Variants in GANC observed in about 807,000 individuals in gnomAD.
The protein encoded by GANC is glucosidase alpha, neutral C, also known as neutral alpha-glucosidase C.
Under a neutral mutation model 124.2 loss-of-function variants are expected in GANC, and 117 were observed. The ratio of observed to expected loss-of-function variants is 0.94; its 90% CI spans 0.81 to 1.10. The LOEUF (loss-of-function observed/expected upper bound fraction) is 1.10, where lower values mean the gene tolerates loss of function less well. GANC is among the 50% of genes least tolerant of loss of function. The probability of loss-of-function intolerance (pLI) is 0.00; values close to 1 mark genes in which losing one functional copy is unlikely to be tolerated. For synonymous variants in GANC, 377 were observed against 376.8 expected, an observed-to-expected ratio of 1.00 and a Z score of -0.01; for missense variants, 1,140 against 1,095.0, an observed-to-expected ratio of 1.04 and a Z score of -0.58.
chr15:42,289,501 G>T (rs536051216), intron 4 of GANC, among the ~76,000 whole-genome samples: 4 of 152,146 alleles, frequency 2.6e-5, no homozygotes, highest in African/African-American at 9.7e-5. Flanking sequence ...CCCTTCCCGT[G>T]ATGTTGTAAG....
chr15:42,293,465 CT>C (rs1405410228), intron 5 of GANC, among the ~76,000 whole-genome samples: 5 of 152,146 alleles, frequency 3.3e-5, no homozygotes, highest in Admixed American at 3.3e-4. Flanking sequence ...ATTATATGAT[CT>C]GCAGAAAGCA....
At chr15:42,343,017 G>A in intron 18 of GANC, 61 bp from the exon 19 acceptor site, 1 of 1,411,794 alleles carries the variant, frequency 7.1e-7, no homozygotes, top group Non-Finnish European at 1.0e-6. Context: ...CAGTTAAAGA[G>A]AAAGGAGATT....
chr15:42,295,548 A>G (rs1434721508), intron 5 of GANC, among the ~76,000 whole-genome samples: 2 of 152,008 alleles, frequency 1.3e-5, no homozygotes, highest in Non-Finnish European at 2.9e-5. Flanking sequence ...GAAGAGCCAT[A>G]AGGAAAAGAT....
In GANC at chr15:42,308,275, G is replaced by T; in HGVS notation, c.679G>T (p.Gly227Trp). 6.2e-7 allele frequency: 1 copy of T among 1,609,836 alleles called. No individual in the cohort carries two copies. The highest frequency in any genetic ancestry group is 8.5e-7 in the Non-Finnish European group (1 of 1,176,840). The change falls in exon 8 of 24, where the codon GGG (glycine) becomes TGG (tryptophan). Residue 227 changes from glycine to tryptophan, a missense_variant. Coordinates refer to ENST00000318010, the MANE Select transcript of GANC (RefSeq NM_198141.3). The stretch of plus-strand genomic sequence containing the variant: ...CTTGCATGGATTTGAGCATCTTTAT[G>T]GGATCCCACAACATGCAGAATCACA... ...FSLHGFEHLY[G>W]IPQHAESHQL...
Position 42,304,871 on chromosome 15 carries a change from A to G in GANC, c.559-1675A>G, listed in dbSNP as rs151229443. Among the ~76,000 whole-genome samples, 514 of 152,348 alleles carry G rather than the reference A, an allele frequency of 3.4e-3. 3 individuals carry two copies. The highest frequency in any genetic ancestry group is 5.7e-3 in the Non-Finnish European group (391 of 68,028). On this transcript the variant is annotated intron_variant, in intron 6 of 23. Coordinates refer to ENST00000318010, the MANE Select transcript of GANC (RefSeq NM_198141.3). ...AAAAGCAATGGGGAAAGGATTTCCT[A>G]TTTAATAAATGGTGCTGGGAAAACT... is the stretch of plus-strand genomic sequence containing the variant.
intron 18 of GANC, 135 bp downstream of exon 18, chr15:42,340,889 C>T: frequency 3.1e-6 from 2 of 654,716 alleles, no homozygotes; most frequent in Non-Finnish European, 2.6e-6. Context: ...CCTCAGCCTC[C>T]TGAGCAGCTG....
intron 10 of GANC, among the ~76,000 whole-genome samples, chr15:42,318,228 T>A (rs2052126248): frequency 6.6e-6 from 1 of 152,188 alleles, no homozygotes; most frequent in Admixed American, 6.5e-5. Flanking sequence ...TCCCTGTTTT[T>A]CTCTTTTCTG....
At chr15:42,286,854 A>T (rs1479998858) in intron 3 of GANC, among the ~76,000 whole-genome samples, 3 of 152,330 alleles carry the variant, frequency 2.0e-5, no homozygotes, top group African/African-American at 7.2e-5. Context: ...CAACACAGGC[A>T]CCCAGTAGTA....
At chr15:42,298,639 A>C (rs570576875) in intron 6 of GANC, among the ~76,000 whole-genome samples, 2 of 152,214 alleles carry the variant, frequency 1.3e-5, no homozygotes, top group Non-Finnish European at 2.9e-5. Flanking sequence ...CTTCATCCCC[A>C]ATCACATGTA....
chr15:42,295,165 G>A (rs897573596), intron 5 of GANC, among the ~76,000 whole-genome samples: 1 of 151,634 alleles, frequency 6.6e-6, no homozygotes, highest in African/African-American at 2.4e-5. Flanking sequence ...TAGTAGAGAT[G>A]GGATTTCACT....
chr15:42,328,153 T>C (rs565404209), intron 13 of GANC, among the ~76,000 whole-genome samples: 1 of 152,224 alleles, frequency 6.6e-6, no homozygotes, highest in South Asian at 2.1e-4. Context: ...AACTCAGGTC[T>C]GTTTGTGCCC....
intron 6 of GANC, among the ~76,000 whole-genome samples, chr15:42,304,831 C>G (rs1264992328): frequency 6.6e-6 from 1 of 152,146 alleles, no homozygotes; most frequent in Non-Finnish European, 1.5e-5. Context: ...ACCACCTGAT[C>G]TTTGACAACC....
chr15:42,273,457 T>C lies in GANC; in HGVS notation c.-1025T>C. On this transcript the variant is annotated 5_prime_UTR_variant, in exon 1 of 24. Coordinates refer to ENST00000318010, the MANE Select transcript of GANC (RefSeq NM_198141.3). The stretch of plus-strand genomic sequence containing the variant: ...TCACCCTCTTCCGGTTCGTCCCGCC[T>C]TCTTCCGGCTCTGCTCTAAGGGCGG... 1 of 1,605,190 alleles carries C rather than the reference T, an allele frequency of 6.2e-7. No homozygotes were observed. Among genetic ancestry groups the C allele is most frequent in the Non-Finnish European group, 8.5e-7 (1 of 1,176,572 alleles).
intron 10 of GANC, among the ~76,000 whole-genome samples, chr15:42,316,560 T>C (rs11637010): frequency 0.91 from 138,486 of 152,234 alleles, 64,356 homozygotes; most frequent in Non-Finnish European, 1. Context: ...TTTAAGACTT[T>C]CACTATTTAT....
At chr15:42,322,481 T>C (rs2052168091) in intron 11 of GANC, among the ~76,000 whole-genome samples, 1 of 152,094 alleles carries the variant, frequency 6.6e-6, no homozygotes, top group South Asian at 2.1e-4. Flanking sequence ...TTATGGTGGT[T>C]AGCGGGTGGG....
At position 42,330,637 on chromosome 15, in the gene GANC, T is replaced by C. The variant is rs775440154; in HGVS notation, c.1706T>C (p.Leu569Pro). The stretch of plus-strand genomic sequence containing the variant: ...AAAGGGAAGGAGAGACCCTTTGTTC[T>C]TACACGTTCTTTCTTTGCTGGATCA... ...RSKGKERPFV[L>P]TRSFFAGSQK... is the part of the protein sequence containing the mutation. Residue 569 changes from leucine (L) to proline (P), a missense_variant, in exon 15 of 24, where the codon CTT becomes CCT. Leu to Pro is a moderately conservative substitution (Grantham distance 98). Coordinates refer to ENST00000318010, the MANE Select transcript of GANC (RefSeq NM_198141.3). 6.2e-7 allele frequency: 1 copy of C among 1,610,126 alleles called. No homozygotes were observed. Among genetic ancestry groups the C allele is most frequent in the Non-Finnish European group, 8.5e-7 (1 of 1,178,952 alleles).
chr15:42,277,930 A>C (rs1037269385), intron 2 of GANC: 13 of 166,474 alleles, frequency 7.8e-5, no homozygotes, highest in South Asian at 2.2e-4. Context: ...AAAAAAAAAA[A>C]AAAAAAACAG....
intron 7 of GANC, 47 bp from the exon 8 acceptor site, chr15:42,308,171 TTAAG>T (rs2052015709): frequency 7.5e-6 from 9 of 1,193,570 alleles, no homozygotes; most frequent in Non-Finnish European, 9.8e-6. Flanking sequence ...CTGAATCTCC[TTAAG>T]TGAGTGTTCT....
rs2052461654 is a variant in GANC at position 42,352,655 on chromosome 15, A to T, written c.*516A>T. On this transcript the variant is annotated 3_prime_UTR_variant, in exon 24 of 24. Coordinates refer to ENST00000318010, the MANE Select transcript of GANC (RefSeq NM_198141.3). ...CTTCTGTGTGCACTGCATACGCTGC[A>T]GCCGTGGGAGTTATTCTCCCCTAGA... is the stretch of plus-strand genomic sequence containing the variant. 1 of 986,498 alleles carries T rather than the reference A, an allele frequency of 1.0e-6. No homozygotes were observed. The highest frequency in any genetic ancestry group is 4.7e-5 in the South Asian group (1 of 21,332). The allele number at this position is 986,498 out of a possible 1,614,324, so 61.1% of individuals were successfully genotyped here.
Sources: gnomAD v4.1 joint callset for allele counts (sites outside exome capture counted in the v4.1 genomes callset) on GRCh38, gnomAD v4.1.1 for gene constraint, MANE v1.5 for transcripts, NCBI Gene and HGNC (gene_info 2026-07-23, HGNC 2026-07-21) for gene names.